Variants in DEAF1 observed in about 807,000 individuals in gnomAD.
DEAF1 encodes the protein deformed epidermal autoregulatory factor 1 homolog.
Under a neutral mutation model 58.9 loss-of-function variants are expected in DEAF1, and 53 were observed. The observed-to-expected ratio is 0.90, with a 90% CI of 0.72 to 1.13. The LOEUF (loss-of-function observed/expected upper bound fraction) is 1.13. DEAF1 is among the 50% of genes most tolerant of loss of function. The pLI, the probability that DEAF1 is intolerant of heterozygous loss-of-function variation, is 0.00. For missense variants in DEAF1, 685 were observed against 791.4 expected, an observed-to-expected ratio of 0.87 and a Z score of 1.61; for synonymous variants, 385 against 340.4, an observed-to-expected ratio of 1.13 and a Z score of -1.44.
At chr11:705,140 C>T (rs1345899837) in intron 1 of DEAF1, 11 of 190,276 alleles carry the variant, frequency 5.8e-5, no homozygotes, top group African/African-American at 9.4e-5. Flanking sequence ...GGAAGTGCTC[C>T]GGCCAGCCCA....
intron 1 of DEAF1, chr11:703,135 G>A (rs768558386): frequency 2.2e-5 from 35 of 1,608,002 alleles, no homozygotes; most frequent in Admixed American, 1.3e-4. Context: ...TTGCCATCGC[G>A]GCCTTCACCA....
At chr11:677,365 GGC>G (rs1253863362) in intron 9 of DEAF1, among the ~76,000 whole-genome samples, 1,703 of 72,092 alleles carry the variant, frequency 0.024, 22 homozygotes, top group East Asian at 0.049. Flanking sequence ...CGGGCATGGT[GGC>G]GCGTGCCTGA....
intron 6 of DEAF1, among the ~76,000 whole-genome samples, chr11:681,579 G>T (rs6597994): frequency 0.95 from 144,364 of 151,936 alleles, 68,993 homozygotes; most frequent in East Asian, 1. Flanking sequence ...CCTGGCTAGT[G>T]TTTTGTATTT....
chr11:648,900 C>T (rs1241079921), intron 11 of DEAF1, among the ~76,000 whole-genome samples: 1 of 152,132 alleles, frequency 6.6e-6, no homozygotes, highest in Admixed American at 6.5e-5. Context: ...AGGAGCAAAA[C>T]ATGAAACATA....
At position 704,525 on chromosome 11, in the gene DEAF1, C is replaced by G. The variant is rs954232110; in HGVS notation, c.-438+2047G>C. ...CGCCTCGGGCCACCTCCCTCACCAG[C>G]GCCTGCACTCGCAGAAGACCAGCTG... On this transcript the variant is annotated intron_variant, in intron 1 of 11. Coordinates refer to the DEAF1 transcript ENST00000683307. 9 of 1,289,324 alleles carry G rather than the reference C, an allele frequency of 7.0e-6. No individual in the cohort carries two copies. In the Admixed American group the frequency reaches 2.1e-4, roughly 30 times the overall value. The allele number at this position is 1,289,324 out of a possible 1,614,324, so 79.9% of individuals were successfully genotyped here. A position where few individuals can be genotyped will look rare whatever the true frequency, so the allele number is the denominator to read the frequency against.
At chr11:652,010 T>C (rs1044552052) in intron 11 of DEAF1, among the ~76,000 whole-genome samples, 1 of 152,124 alleles carries the variant, frequency 6.6e-6, no homozygotes, top group African/African-American at 2.4e-5. Context: ...AACAATACTA[T>C]CAACCAACCT....
intron 10 of DEAF1, among the ~76,000 whole-genome samples, chr11:667,275 C>T (rs963818259): frequency 1.3e-5 from 2 of 150,624 alleles, no homozygotes; most frequent in Non-Finnish European, 2.9e-5. Context: ...GATGTGACCA[C>T]AACACTGCTT....
intron 7 of DEAF1, among the ~76,000 whole-genome samples, chr11:680,318 G>C (rs961449911): frequency 6.6e-6 from 1 of 152,206 alleles, no homozygotes; most frequent in Non-Finnish European, 1.5e-5. Flanking sequence ...GCCTCAGGAA[G>C]GAGCTGACAG....
At position 644,377 on chromosome 11, in the gene DEAF1, G is replaced by A. The variant is rs191643036; in HGVS notation, c.*173C>T. 4.5e-4 allele frequency: 298 copies of A among 659,330 alleles called. 1 individual carries two copies. Among genetic ancestry groups the A allele is most frequent in the African/African-American group, 4.2e-3 (237 of 56,236 alleles). 40.8% of individuals were successfully genotyped at this position (659,330 alleles called of 1,614,324 possible). A position where few individuals can be genotyped will look rare whatever the true frequency, so the allele number is the denominator to read the frequency against. On this transcript the variant is annotated 3_prime_UTR_variant, in exon 12 of 12. Coordinates refer to ENST00000382409, the MANE Select transcript of DEAF1 (RefSeq NM_021008.4). This position sits in a 1 kb window ranked among gnomAD's most constrained non-coding sequence, Gnocchi z 4.3. ...CAGGGGGCCCGGGCAGGGGGAGTGC[G>A]CTTCCCAGGGCACCATTCGCTTAAA...
At chr11:666,737 G>C (rs1859544187) in intron 10 of DEAF1, among the ~76,000 whole-genome samples, 1 of 151,822 alleles carries the variant, frequency 6.6e-6, no homozygotes, top group African/African-American at 2.4e-5. Flanking sequence ...GTATTAGCCA[G>C]GTGTGGTGGT....
chr11:650,651 GT>G (rs71022945), intron 11 of DEAF1, among the ~76,000 whole-genome samples: 2 of 149,920 alleles, frequency 1.3e-5, no homozygotes, highest in African/African-American at 4.9e-5. Context: ...AGCCAAAAAG[GT>G]TTTTTTTAAA....
chr11:649,433 AAAAC>A (rs1858658975), intron 11 of DEAF1, among the ~76,000 whole-genome samples: 1 of 57,798 alleles, frequency 1.7e-5, no homozygotes, highest in Non-Finnish European at 4.6e-5. Context: ...AAAAAAAAAC[AAAAC>A]AGCTGGGTGT....
In DEAF1 at chr11:672,357, C is replaced by T. The variant is rs545682285; in HGVS notation, c.1503+2179G>A. On this transcript the variant is annotated intron_variant, in intron 10 of 11. Coordinates refer to ENST00000382409, the MANE Select transcript of DEAF1 (RefSeq NM_021008.4). ...CATTATGTGCTTGTCTAGTAGAATC[C>T]GTAACAAACCCCTAACATTGAATAC... 6.6e-5 allele frequency among the ~76,000 whole-genome samples: 10 copies of T among 151,870 alleles called. 1 individual carries two copies. In the South Asian group the frequency reaches 2.1e-3, roughly 32 times the overall value.
At chr11:659,985 G>A (rs1859247548) in intron 10 of DEAF1, among the ~76,000 whole-genome samples, 1 of 152,208 alleles carries the variant, frequency 6.6e-6, no homozygotes, top group Non-Finnish European at 1.5e-5. Flanking sequence ...TGGGCAGGCA[G>A]GGCCCAAGGG....
In DEAF1 at chr11:679,767, A is replaced by G; in HGVS notation, c.1047T>C (p.Phe349=). The change falls in exon 8 of 12, where the codon TTT becomes TTC. Residue 349 remains phenylalanine (F), a synonymous_variant. Transcript: ENST00000382409. ...TGGCCTCTACCGTGGACGCTCGGTC[A>G]AAGGTCAGTGCCCCCGAGGTCGTGA... ...GQITTSGALT[F]DRASTVEATA... is the part of the protein sequence containing the mutation. 1 of 1,613,948 alleles carries G rather than the reference A, an allele frequency of 6.2e-7. No homozygotes were observed. The highest frequency in any genetic ancestry group is 1.1e-5 in the South Asian group (1 of 91,090).
chr11:671,511 T>C (rs1859823914), intron 10 of DEAF1, among the ~76,000 whole-genome samples: 1 of 151,730 alleles, frequency 6.6e-6, no homozygotes, highest in African/African-American at 2.4e-5. Context: ...TGTGATCCAC[T>C]GTGCCCAGTG....
chr11:678,705 T>C lies in DEAF1; in HGVS notation c.1244A>G (p.His415Arg), dbSNP rs192026177. 15 of 1,614,170 alleles carry C rather than the reference T, an allele frequency of 9.3e-6. No individual in the cohort carries two copies. In the Admixed American group the frequency reaches 1.7e-4, roughly 18 times the overall value. ...PFPEAALPTSHPKIVLTSLPA... is the reference protein window; with the variant it reads ...PFPEAALPTSRPKIVLTSLPA... ...TCTTTCAAACCTACCTATTTTGGGA[T>C]GTGACGTTGGCAACGCAGCTTCTGG... Residue 415 changes from histidine to arginine, a missense_variant, in exon 9 of 12, where the codon CAT becomes CGT. His to Arg is a conservative substitution (Grantham distance 29, BLOSUM62 0). Coordinates refer to ENST00000382409, the MANE Select transcript of DEAF1 (RefSeq NM_021008.4).
chr11:681,932 G>A (rs1375600204), intron 6 of DEAF1, among the ~76,000 whole-genome samples: 2 of 152,122 alleles, frequency 1.3e-5, no homozygotes, highest in African/African-American at 2.4e-5. Context: ...AAGGCTCCTT[G>A]CATGTCTTAT....
At chr11:663,275 C>A (rs897195365) in intron 10 of DEAF1, among the ~76,000 whole-genome samples, 2 of 152,230 alleles carry the variant, frequency 1.3e-5, no homozygotes, top group African/African-American at 4.8e-5. Context: ...CGGCGAAACT[C>A]CATCTCAACT....
Sources: allele counts gnomAD v4.1 joint callset (sites outside exome capture counted in the v4.1 genomes callset), GRCh38; gene constraint gnomAD v4.1.1; non-coding constraint Gnocchi (gnomAD v3.1); transcripts MANE v1.5; gene names NCBI Gene and HGNC (gene_info 2026-07-23, HGNC 2026-07-21).